Variants in CELF2 observed in about 807,000 individuals in gnomAD.
CELF2 encodes the protein CUGBP Elav-like family member 2.
CELF2 carries 8 observed loss-of-function variants against 62.6 expected under a neutral mutation model. The observed-to-expected ratio is 0.13, with a 90% CI of 0.07 to 0.23. The LOEUF (loss-of-function observed/expected upper bound fraction) is 0.23. Ranked by LOEUF, CELF2 falls within the 10% of genes least tolerant of loss-of-function variation. CELF2 has a pLI of 1.00. For missense variants in CELF2, 333 were observed against 671.0 expected, an observed-to-expected ratio of 0.50 and a Z score of 5.56; for synonymous variants, 258 against 250.0, an observed-to-expected ratio of 1.03 and a Z score of -0.30.
At chr10:10,711,404 G>A in the CELF2 span, among the ~76,000 whole-genome samples, 1 of 152,196 alleles carries the variant, frequency 6.6e-6, no homozygotes, top group African/African-American at 2.4e-5. Flanking sequence ...ATTGGCTGGT[G>A]TCAGGGTTGC....
At chr10:10,486,730 T>A in the CELF2 span, among the ~76,000 whole-genome samples, 2 of 152,186 alleles carry the variant, frequency 1.3e-5, no homozygotes, top group Non-Finnish European at 2.9e-5. Flanking sequence ...AGATTTAGAA[T>A]GCTCAACCTA....
At chr10:10,999,318 G>C (rs201108) in intron 2 of CELF2, among the ~76,000 whole-genome samples, 1 of 152,098 alleles carries the variant, frequency 6.6e-6, no homozygotes, top group African/African-American at 2.4e-5. Flanking sequence ...AAATGGAGAA[G>C]CTCCCTGTTT....
chr10:10,796,018 C>A (rs2054119610), upstream of CELF2, among the ~76,000 whole-genome samples: 1 of 152,106 alleles, frequency 6.6e-6, no homozygotes, highest in African/African-American at 2.4e-5. Flanking sequence ...TTGTTCCCCG[C>A]AGTTGCCTTC....
chr10:11,213,561 C>G (rs535765771), intron 2 of CELF2, among the ~76,000 whole-genome samples: 1 of 152,300 alleles, frequency 6.6e-6, no homozygotes, highest in Admixed American at 6.5e-5. Flanking sequence ...ATATTTCTCT[C>G]TTTGTTGAAA....
At chr10:10,869,574 A>G (rs972688358) in intron 1 of CELF2, among the ~76,000 whole-genome samples, 8 of 151,546 alleles carry the variant, frequency 5.3e-5, no homozygotes, top group African/African-American at 1.9e-4. Flanking sequence ...GGGGGAAAAA[A>G]AAATGGAAAC....
At chr10:11,245,814 C>T (rs2075417777) in intron 3 of CELF2, among the ~76,000 whole-genome samples, 1 of 152,214 alleles carries the variant, frequency 6.6e-6, no homozygotes, top group Non-Finnish European at 1.5e-5. Flanking sequence ...TGTCTGCCCT[C>T]TTCAGTGAGT....
chr10:11,103,329 G>A lies in CELF2; in HGVS notation c.75-62157G>A, dbSNP rs893854404. 5.9e-5 allele frequency among the ~76,000 whole-genome samples: 6 copies of A among 102,530 alleles called. No individual in the cohort carries two copies. The South Asian group carries it at 1.1e-3, about 18-fold the overall frequency. 67.3% of individuals were successfully genotyped at this position (102,530 alleles called of 152,430 possible). On this transcript the variant is annotated intron_variant, in intron 1 of 12. Transcript: ENST00000633077. ...GCTCCGATGCTTTCTTGTACATTATGGATTTTTTTTTTTTTTGCTTTTTTT... is the reference window on the plus strand; with the variant it reads ...GCTCCGATGCTTTCTTGTACATTATAGATTTTTTTTTTTTTTGCTTTTTTT...
At chr10:11,078,112 C>T (rs1053596921) in intron 1 of CELF2, among the ~76,000 whole-genome samples, 1 of 152,046 alleles carries the variant, frequency 6.6e-6, no homozygotes, top group South Asian at 2.1e-4. Context: ...GAATGCTTTC[C>T]CTTGGAGGAC....
At chr10:11,140,722 A>G (rs1191909185) in intron 1 of CELF2, among the ~76,000 whole-genome samples, 1 of 152,194 alleles carries the variant, frequency 6.6e-6, no homozygotes. Context: ...ACTTATTTGT[A>G]TTAAAAATAA....
chr10:10,726,281 C>T, the CELF2 span, among the ~76,000 whole-genome samples: 1 of 152,090 alleles, frequency 6.6e-6, no homozygotes, highest in Admixed American at 6.5e-5. Flanking sequence ...CGGCTTTTTC[C>T]GTTGTGTTTG....
chr10:10,927,454 G>T (rs1012417113), intron 2 of CELF2, among the ~76,000 whole-genome samples: 1 of 150,944 alleles, frequency 6.6e-6, no homozygotes, highest in Non-Finnish European at 1.5e-5. Context: ...TTTGAAATGG[G>T]TCTCACTCTG....
chr10:11,154,680 C>T (rs762926116), intron 1 of CELF2, among the ~76,000 whole-genome samples: 4 of 152,216 alleles, frequency 2.6e-5, no homozygotes, highest in Non-Finnish European at 4.4e-5. Flanking sequence ...ATATCACTGT[C>T]ATCTCTTTGG....
Position 10,889,837 on chromosome 10 carries a change from G to C in CELF2, c.54-30127G>C, listed in dbSNP as rs188700298. ...GTAGCACAACTTAAACCGTGGTTCT[G>C]ATTCTAAGAAAAGTCAATAGCCCAT... is the stretch of plus-strand genomic sequence containing the variant. On this transcript the variant is annotated intron_variant, in intron 1 of 13. Transcript: ENST00000636488. Among the ~76,000 whole-genome samples the C allele has an allele frequency of 2.7e-3, 406 of 152,276 alleles. 3 individuals carry two copies. Among genetic ancestry groups the C allele is most frequent in the Non-Finnish European group, 3.0e-3 (206 of 68,028 alleles).
At chr10:11,201,011 G>A (rs996404568) in intron 2 of CELF2, among the ~76,000 whole-genome samples, 4 of 152,214 alleles carry the variant, frequency 2.6e-5, no homozygotes, top group African/African-American at 9.7e-5. Context: ...TCAAGAAAGT[G>A]TAAATGTGGG....
At chr10:10,511,253 A>T in the CELF2 span, among the ~76,000 whole-genome samples, 2 of 152,226 alleles carry the variant, frequency 1.3e-5, no homozygotes, top group East Asian at 3.9e-4. Context: ...CTACTGGAAA[A>T]TACAAAAATT....
At chr10:11,284,223 G>A (rs1354303444) in intron 8 of CELF2, among the ~76,000 whole-genome samples, 1 of 43,414 alleles carries the variant, frequency 2.3e-5, no homozygotes, top group Non-Finnish European at 4.4e-5. Flanking sequence ...GTGTGTGGTG[G>A]GTGGATGAGG....
chr10:11,094,494 G>T (rs2049215280), intron 1 of CELF2, among the ~76,000 whole-genome samples: 1 of 152,132 alleles, frequency 6.6e-6, no homozygotes, highest in South Asian at 2.1e-4. Context: ...GACTTGAAAT[G>T]GTTGAATGTT....
At position 11,093,041 on chromosome 10, in the gene CELF2, G is replaced by A. The variant is rs148860624; in HGVS notation, c.75-72445G>A. Among the ~76,000 whole-genome samples, 140 of 152,320 alleles carry A rather than the reference G, an allele frequency of 9.2e-4. 2 individuals are homozygous for A. Among genetic ancestry groups the A allele is most frequent in the Middle Eastern group, 6.8e-3 (2 of 294 alleles). The stretch of plus-strand genomic sequence containing the variant: ...ACTGTGTAATAATAGGAGGCTGTAC[G>A]TCTTGATTGGCATCAGTCTTAATTT... On this transcript the variant is annotated intron_variant, in intron 1 of 12. Transcript: ENST00000633077.
At chr10:10,739,963 G>A in the CELF2 span, among the ~76,000 whole-genome samples, 3 of 152,054 alleles carry the variant, frequency 2.0e-5, no homozygotes, top group South Asian at 4.2e-4. Context: ...TTTATTTGTT[G>A]TTTGTTTATT....
Sources: gnomAD v4.1 joint callset for allele counts (sites outside exome capture counted in the v4.1 genomes callset) on GRCh38, gnomAD v4.1.1 for gene constraint, MANE v1.5 for transcripts, NCBI Gene and HGNC (gene_info 2026-07-23, HGNC 2026-07-21) for gene names.